Variants in PAK1IP1 observed in about 807,000 individuals in gnomAD.
The protein encoded by PAK1IP1 is PAK1 interacting protein 1, also known as p21-activated protein kinase-interacting protein 1.
Under a neutral mutation model 42.0 loss-of-function variants are expected in PAK1IP1, and 24 were observed. That is an observed-to-expected ratio of 0.57 (90% confidence interval 0.41 to 0.80). The LOEUF (loss-of-function observed/expected upper bound fraction) is 0.80, where lower values mean the gene tolerates loss of function less well. Among genes scored for constraint, PAK1IP1 ranks in the 30% least tolerant of loss-of-function variants. PAK1IP1 has a pLI of 0.00. For synonymous variants in PAK1IP1, 154 were observed against 156.7 expected, an observed-to-expected ratio of 0.98 and a Z score of 0.13; for missense variants, 411 against 467.9, an observed-to-expected ratio of 0.88 and a Z score of 1.12.
intron 2 of PAK1IP1, among the ~76,000 whole-genome samples, chr6:10,701,563 A>G (rs1221631938): frequency 6.6e-6 from 1 of 152,206 alleles, no homozygotes. Context: ...TTCCAAAGTG[A>G]GAAATAGGAT....
intron 7 of PAK1IP1, 83 bp from the exon 8 acceptor site, chr6:10,707,332 A>G (rs1770233741): frequency 2.5e-6 from 2 of 809,004 alleles, no homozygotes; most frequent in East Asian, 4.9e-5. Context: ...TTGAGAAAGC[A>G]CTAGTCTTTG....
chr6:10,695,181 A>G, intron 1 of PAK1IP1, 112 bp downstream of exon 1: 1 of 687,330 alleles, frequency 1.5e-6, no homozygotes, highest in South Asian at 1.6e-5. Flanking sequence ...GGATGATTTG[A>G]TGAATCAAAC....
rs750047415 is a variant in PAK1IP1, at chr6:10,709,319, CAAAG to C, written c.1050_1053del (p.Lys350AsnfsTer4). ...GAAGAAAAGCGGTCAAAACCTAACA[CAAAG>C]AAACGCGGTTTAACAGGTGACAGTA... On this transcript the variant is annotated frameshift_variant, in exon 10 of 10. Transcript: ENST00000379568. LOFTEE classifies it low-confidence loss of function (END_TRUNC). The C allele has an allele frequency of 4.3e-6, 7 of 1,613,730 alleles. No homozygotes were observed. Among genetic ancestry groups the C allele is most frequent in the Non-Finnish European group, 5.9e-6 (7 of 1,179,902 alleles).
Position 10,709,304 on chromosome 6 carries a change from G to A in PAK1IP1, c.1031G>A (p.Arg344Gln), listed in dbSNP as rs190974202. The change falls in exon 10 of 10, where the codon CGG becomes CAG. Residue 344 changes from arginine (R) to glutamine (Q), a missense_variant. By Grantham distance (43) the Arg-to-Gln change is conservative. Transcript: ENST00000379568. ...PGDTVHKEEK[R>Q]SKPNTKKRGL... ...GACACAGTGCACAAAGAAGAAAAGC[G>A]GTCAAAACCTAACACAAAGAAACGC... 12 of 1,613,790 alleles carry A rather than the reference G, an allele frequency of 7.4e-6. No homozygotes were observed. Among genetic ancestry groups the A allele is most frequent in the Admixed American group, 3.3e-5 (2 of 59,982 alleles).
upstream of PAK1IP1, among the ~76,000 whole-genome samples, chr6:10,693,725 TAAATA>T (rs1769565527): frequency 6.6e-6 from 1 of 151,990 alleles, no homozygotes; most frequent in Non-Finnish European, 1.5e-5. Context: ...TAAACCTTAT[TAAATA>T]AAACTTTTTT....
chr6:10,707,246 T>C (rs572390008), intron 7 of PAK1IP1, among the ~76,000 whole-genome samples, 169 bp from the exon 8 acceptor site: 26 of 152,254 alleles, frequency 1.7e-4, no homozygotes, highest in African/African-American at 6.3e-4. Flanking sequence ...CCTGGATATA[T>C]CTCATTAATG....
rs746677389 is a variant in PAK1IP1, at chr6:10,707,498, A to AGCTTAAGCAGGATAAGGTCAGT, written c.829_840+10dup. On this transcript the variant is annotated frameshift_variant, in exon 8 of 10. Transcript: ENST00000379568. LOFTEE classifies it high-confidence loss of function. ...AGTGATGGTTTCATCAAAATGTGGA[A>AGCTTAAGCAGGATAAGGTCAGT]GCTTAAGCAGGATAAGGTCAGTGCT... 2.4e-5 allele frequency: 38 copies of AGCTTAAGCAGGATAAGGTCAGT among 1,599,086 alleles called. No individual in the cohort carries two copies. The highest frequency in any genetic ancestry group is 3.3e-5 in the Non-Finnish European group (38 of 1,166,310).
intron 2 of PAK1IP1, among the ~76,000 whole-genome samples, chr6:10,698,805 A>G (rs1357127032): frequency 3.9e-5 from 6 of 152,222 alleles, no homozygotes; most frequent in Non-Finnish European, 4.4e-5. Context: ...ACATTTCCCT[A>G]GAGAGAGGAA....
At position 10,697,475 on chromosome 6, in the gene PAK1IP1, T is replaced by G; in HGVS notation, c.236T>G (p.Val79Gly). 1 of 1,612,108 alleles carries G rather than the reference T, an allele frequency of 6.2e-7. No individual in the cohort carries two copies. The highest frequency in any genetic ancestry group is 8.5e-7 in the Non-Finnish European group (1 of 1,178,340). The change falls in exon 2 of 10, where the codon GTG becomes GGG. Residue 79 changes from valine (V) to glycine (G), a missense_variant. By Grantham distance (109) the Val-to-Gly change is moderately radical (BLOSUM62 -3). Coordinates refer to ENST00000379568, the MANE Select transcript of PAK1IP1 (RefSeq NM_017906.3). ...MKKKIEHGALVHHSGTITCLK... is the reference protein window; with the variant it reads ...MKKKIEHGALGHHSGTITCLK... ...AAGAAGATTGAGCATGGGGCTCTAG[T>G]GCATCACAGTGGTAAGAAAATTGTA...
upstream of PAK1IP1, chr6:10,694,612 A>ACTGTGT: frequency 3.3e-5 from 6 of 183,290 alleles, no homozygotes; most frequent in East Asian, 1.5e-4. Flanking sequence ...AACCGGCCGG[A>ACTGTGT]AGTCGGCCCC....
chr6:10,704,880 T>A (rs1214411855), intron 7 of PAK1IP1, 36 bp downstream of exon 7: 1 of 1,259,070 alleles, frequency 7.9e-7, no homozygotes, highest in Admixed American at 1.7e-5. Context: ...ATGTCTAGTC[T>A]TAATAAAAGG....
chr6:10,709,205 C>CT (rs1396406325), intron 9 of PAK1IP1, 33 bp from the exon 10 acceptor site: 4 of 1,566,700 alleles, frequency 2.6e-6, no homozygotes, highest in South Asian at 2.3e-5. Flanking sequence ...GGAAAACAGT[C>CT]TTTTTTTAAA....
upstream of PAK1IP1, among the ~76,000 whole-genome samples, chr6:10,693,888 T>C (rs572026611): frequency 6.6e-6 from 1 of 152,256 alleles, no homozygotes; most frequent in East Asian, 1.9e-4. Context: ...GTCGCCATGC[T>C]GGGCTAATTT....
chr6:10,709,468 T>C lies in PAK1IP1; in HGVS notation c.*16T>C, dbSNP rs750062136. 14 of 1,541,822 alleles carry C rather than the reference T, an allele frequency of 9.1e-6. No individual in the cohort carries two copies. Among genetic ancestry groups the C allele is most frequent in the Middle Eastern group, 1.9e-4 (1 of 5,240 alleles). Reference sequence around the variant, plus strand: ...AATGCAGTGAATCACAGATGTCTCCTGAAAGAACTCTTTTAGATGAAATCA... The same window carrying C: ...AATGCAGTGAATCACAGATGTCTCCCGAAAGAACTCTTTTAGATGAAATCA... On this transcript the variant is annotated 3_prime_UTR_variant, in exon 10 of 10. Coordinates refer to ENST00000379568, the MANE Select transcript of PAK1IP1 (RefSeq NM_017906.3).
At chr6:10,694,117 A>G (rs951175527), upstream of PAK1IP1, among the ~76,000 whole-genome samples, 27 of 151,972 alleles carry the variant, frequency 1.8e-4, no homozygotes, top group African/African-American at 6.3e-4. Context: ...AAAATTAGCC[A>G]GGCGTGGTGG....
chr6:10,699,905 C>G (rs1343795586), intron 2 of PAK1IP1, among the ~76,000 whole-genome samples: 1 of 152,108 alleles, frequency 6.6e-6, no homozygotes, highest in Non-Finnish European at 1.5e-5. Context: ...AAGATTAAGG[C>G]ACCAGCAGAT....
In PAK1IP1 at chr6:10,708,935, T is replaced by C; in HGVS notation, c.841-18T>C. ...TTATTGAAAATGCACATTATGAATG[T>C]TTGTTTCTTCTGTTTAGAAAGTTCC... On this transcript the variant is annotated intron_variant, in intron 8 of 9. Coordinates refer to ENST00000379568, the MANE Select transcript of PAK1IP1 (RefSeq NM_017906.3). 1 of 1,577,876 alleles carries C rather than the reference T, an allele frequency of 6.3e-7. No individual in the cohort carries two copies. The highest frequency in any genetic ancestry group is 8.6e-7 in the Non-Finnish European group (1 of 1,161,922).
At position 10,697,487 on chromosome 6, in the gene PAK1IP1, G is replaced by A; in HGVS notation, c.247+1G>A. 6.2e-7 allele frequency: 1 copy of A among 1,607,140 alleles called. No homozygotes were observed. Among genetic ancestry groups the A allele is most frequent in the Non-Finnish European group, 8.5e-7 (1 of 1,174,506 alleles). On this transcript the variant is annotated splice_donor_variant, in intron 2 of 9. Transcript: ENST00000379568. LOFTEE classifies it high-confidence loss of function. ...CATGGGGCTCTAGTGCATCACAGTG[G>A]TAAGAAAATTGTATCCCTTAAGATG... is the stretch of plus-strand genomic sequence containing the variant.
intron 7 of PAK1IP1, among the ~76,000 whole-genome samples, chr6:10,706,052 A>G (rs1308654682): frequency 6.6e-6 from 1 of 152,216 alleles, no homozygotes; most frequent in East Asian, 1.9e-4. Context: ...CAGAAAAGAC[A>G]GGAGCTTGTG....
Sources: gnomAD v4.1 joint callset for allele counts (sites outside exome capture counted in the v4.1 genomes callset) on GRCh38, gnomAD v4.1.1 for gene constraint, MANE v1.5 for transcripts, NCBI Gene and HGNC (gene_info 2026-07-23, HGNC 2026-07-21) for gene names.